The following CNTNAP2 variants were observed in gnomAD, a reference collection of about 807,000 sequenced individuals.
CNTNAP2 encodes contactin-associated protein-like 2.
CNTNAP2 carries 98 observed loss-of-function variants against 155.2 expected under a neutral mutation model. That is an observed-to-expected ratio of 0.63 (90% CI 0.54 to 0.75). The LOEUF (loss-of-function observed/expected upper bound fraction) is 0.75. Ranked by LOEUF, CNTNAP2 falls within the 30% of genes least tolerant of loss-of-function variation. CNTNAP2 has a pLI of 0.00. For missense variants in CNTNAP2, 1,727 were observed against 1,688.1 expected (o/e 1.02, Z -0.40); for synonymous variants, 651 against 631.2 (o/e 1.03, Z -0.47).
chr7:146,786,097 G>A (rs1334385097), intron 2 of CNTNAP2, among the ~76,000 whole-genome samples: 1 of 152,126 alleles, frequency 6.6e-6, no homozygotes, highest in Non-Finnish European at 1.5e-5. Context: ...CAATAGACAA[G>A]TTTAGGCCAT....
At chr7:146,218,732 T>A (rs1340785300) in intron 1 of CNTNAP2, among the ~76,000 whole-genome samples, 2 of 152,052 alleles carry the variant, frequency 1.3e-5, no homozygotes, top group Non-Finnish European at 2.9e-5. Context: ...TTTTATTTAA[T>A]TTTAATTAAT....
intron 18 of CNTNAP2, among the ~76,000 whole-genome samples, chr7:148,174,461 C>T (rs939254339): frequency 6.6e-6 from 1 of 152,206 alleles, no homozygotes; most frequent in African/African-American, 2.4e-5. Flanking sequence ...ACAGCTCAGC[C>T]TCTACAAAGA....
intron 8 of CNTNAP2, among the ~76,000 whole-genome samples, chr7:147,202,372 C>T (rs1802938792): frequency 6.6e-6 from 1 of 151,926 alleles, no homozygotes; most frequent in Non-Finnish European, 1.5e-5. Flanking sequence ...AAGTATCATG[C>T]ACAATGAGAT....
At chr7:146,593,684 T>C (rs748100718) in intron 1 of CNTNAP2, among the ~76,000 whole-genome samples, 20 of 152,156 alleles carry the variant, frequency 1.3e-4, no homozygotes, top group Non-Finnish European at 2.4e-4. Context: ...CCTCTGTATC[T>C]CTGCTCATGC....
intron 13 of CNTNAP2, among the ~76,000 whole-genome samples, chr7:147,686,866 A>C (rs892311589): frequency 6.6e-6 from 1 of 151,960 alleles, no homozygotes; most frequent in Non-Finnish European, 1.5e-5. Context: ...TAAAAAAAAA[A>C]AGCTGTATAA....
chr7:147,533,051 A>G (rs1283301145), intron 11 of CNTNAP2, among the ~76,000 whole-genome samples: 1 of 152,232 alleles, frequency 6.6e-6, no homozygotes, highest in Non-Finnish European at 1.5e-5. Context: ...GAAAAAATCT[A>G]TCACCTCTGT....
chr7:146,859,915 GA>G lies in CNTNAP2; in HGVS notation c.402+20015del, dbSNP rs529888808. Among the ~76,000 whole-genome samples, 276 of 152,188 alleles carry G rather than the reference GA, an allele frequency of 1.8e-3. 1 individual carries two copies. Among genetic ancestry groups the G allele is most frequent in the Middle Eastern group, 0.014 (4 of 294 alleles). On this transcript the variant is annotated intron_variant, in intron 3 of 23. Transcript: ENST00000361727. ...AAAATATGAAAGAGAAAAATTTAAA[GA>G]AAACCAATGTGGTCAGCAGTAAGAG...
At chr7:146,547,157 G>A (rs1438697051) in intron 1 of CNTNAP2, among the ~76,000 whole-genome samples, 3 of 151,792 alleles carry the variant, frequency 2.0e-5, no homozygotes, top group Non-Finnish European at 4.4e-5. Flanking sequence ...ACTCCCAATG[G>A]CATCTTTGTT....
intron 1 of CNTNAP2, among the ~76,000 whole-genome samples, chr7:146,715,212 T>A (rs1280220152): frequency 6.6e-6 from 1 of 152,074 alleles, no homozygotes; most frequent in African/African-American, 2.4e-5. Flanking sequence ...GCACCTATAA[T>A]TCCCAACTAC....
chr7:147,548,350 C>T (rs1019829550), intron 11 of CNTNAP2, among the ~76,000 whole-genome samples: 8 of 152,164 alleles, frequency 5.3e-5, no homozygotes, highest in South Asian at 2.1e-4. Flanking sequence ...ATTTCTCTGA[C>T]GATCAGTGAA....
At chr7:147,478,166 G>T (rs7781897) in intron 10 of CNTNAP2, among the ~76,000 whole-genome samples, 116,175 of 150,650 alleles carry the variant, frequency 0.77, 45,044 homozygotes, top group African/African-American at 0.85. Flanking sequence ...TTTTTTGGGT[G>T]GTGGGGGAGG....
intron 3 of CNTNAP2, among the ~76,000 whole-genome samples, chr7:147,040,315 GAATA>G (rs750476226): frequency 2.0e-5 from 3 of 152,150 alleles, no homozygotes; most frequent in Non-Finnish European, 2.9e-5. Context: ...AAAGGTGAAT[GAATA>G]AATACGTAAG....
intron 1 of CNTNAP2, among the ~76,000 whole-genome samples, chr7:146,526,265 A>G (rs1202414210): frequency 6.6e-6 from 1 of 152,204 alleles, no homozygotes; most frequent in Admixed American, 6.6e-5. Flanking sequence ...TGCCTGGTAC[A>G]TTAGGCCATT....
intron 13 of CNTNAP2, among the ~76,000 whole-genome samples, chr7:147,891,171 A>G (rs76695384): frequency 0.024 from 3,667 of 152,190 alleles, 60 homozygotes; most frequent in South Asian, 0.05. Context: ...ATGAACAAGA[A>G]AATCAACCAT....
intron 1 of CNTNAP2, among the ~76,000 whole-genome samples, chr7:146,758,191 C>T (rs150134521): frequency 1.2e-3 from 181 of 152,272 alleles, no homozygotes; most frequent in African/African-American, 4.1e-3. Context: ...ACCCACCTGG[C>T]GTATTAATCA....
intron 13 of CNTNAP2, among the ~76,000 whole-genome samples, chr7:147,777,417 T>C (rs542303559): frequency 6.6e-6 from 1 of 152,192 alleles, no homozygotes; most frequent in Non-Finnish European, 1.5e-5. Flanking sequence ...TCTTATATGA[T>C]GTTCACACCG....
intron 13 of CNTNAP2, among the ~76,000 whole-genome samples, chr7:147,720,429 G>C (rs772047520): frequency 2.0e-4 from 30 of 152,110 alleles, no homozygotes; most frequent in Non-Finnish European, 3.8e-4. Context: ...GTGGGATCAC[G>C]TTAAACAAAA....
At chr7:146,559,821 G>A (rs1319373224) in intron 1 of CNTNAP2, among the ~76,000 whole-genome samples, 1 of 148,432 alleles carries the variant, frequency 6.7e-6, no homozygotes, top group African/African-American at 2.5e-5. Context: ...AGTTTTATTT[G>A]ATGAATGCTG....
At chr7:147,748,993 C>G (rs902148737) in intron 13 of CNTNAP2, among the ~76,000 whole-genome samples, 5 of 152,120 alleles carry the variant, frequency 3.3e-5, no homozygotes, top group African/African-American at 4.8e-5. Flanking sequence ...TTAAGTGGAA[C>G]CTTTTAGGTT....
Sources: gnomAD v4.1 joint callset for allele counts (sites outside exome capture counted in the v4.1 genomes callset) on GRCh38, gnomAD v4.1.1 for gene constraint, MANE v1.5 for transcripts, NCBI Gene and HGNC (gene_info 2026-07-23, HGNC 2026-07-21) for gene names.